Variants in PPARGC1A observed in about 807,000 individuals in gnomAD.
PPARGC1A encodes peroxisome proliferator-activated receptor gamma coactivator 1-alpha.
PPARGC1A carries 25 observed loss-of-function variants against 88.7 expected under a neutral mutation model. The observed-to-expected ratio is 0.28, with a 90% CI of 0.21 to 0.39. The LOEUF (loss-of-function observed/expected upper bound fraction) is 0.39. PPARGC1A is among the 10% of genes least tolerant of loss of function. The probability of loss-of-function intolerance (pLI) is 1.00; values close to 1 mark genes in which losing one functional copy is unlikely to be tolerated. For missense variants in PPARGC1A, 880 were observed against 968.7 expected, an observed-to-expected ratio of 0.91 and a Z score of 1.22; for synonymous variants, 363 against 355.6, an observed-to-expected ratio of 1.02 and a Z score of -0.24.
At chr4:24,339,694 A>C in the PPARGC1A span, among the ~76,000 whole-genome samples, 1 of 152,188 alleles carries the variant, frequency 6.6e-6, no homozygotes, top group South Asian at 2.1e-4. Flanking sequence ...ACAGTTTAAA[A>C]TACAGTTTTC....
the PPARGC1A span, among the ~76,000 whole-genome samples, chr4:24,445,667 C>A: frequency 4.6e-5 from 7 of 152,150 alleles, no homozygotes; most frequent in Non-Finnish European, 1.0e-4. Flanking sequence ...ACATGAAAAG[C>A]ATCAGAAAAT....
chr4:24,317,745 A>ACAAGCAT, the PPARGC1A span, among the ~76,000 whole-genome samples: 1 of 151,884 alleles, frequency 6.6e-6, no homozygotes, highest in Non-Finnish European at 1.5e-5. Context: ...CCGAACCCAG[A>ACAAGCAT]CAAGCATCCA....
the PPARGC1A span, among the ~76,000 whole-genome samples, chr4:24,277,997 A>G: frequency 6.6e-6 from 1 of 152,066 alleles, no homozygotes; most frequent in Non-Finnish European, 1.5e-5. Context: ...CTACACAGCA[A>G]GACCTTTGCT....
chr4:23,881,161 T>C (rs1480769251), intron 2 of PPARGC1A: 2 of 152,246 alleles, frequency 1.3e-5, no homozygotes, highest in East Asian at 3.8e-4. Flanking sequence ...GGAAGTTATG[T>C]TGCAATATTC....
the PPARGC1A span, among the ~76,000 whole-genome samples, chr4:23,927,293 T>C: frequency 2.0e-5 from 3 of 152,290 alleles, no homozygotes; most frequent in East Asian, 5.8e-4. Flanking sequence ...CATCATAAAG[T>C]CAAAAAATCA....
At chr4:23,938,197 T>C in the PPARGC1A span, among the ~76,000 whole-genome samples, 1 of 152,230 alleles carries the variant, frequency 6.6e-6, no homozygotes, top group Admixed American at 6.5e-5. Flanking sequence ...GTATTGCTTC[T>C]GGTTCTTACC....
the PPARGC1A span, among the ~76,000 whole-genome samples, chr4:24,439,181 C>T: frequency 9.9e-5 from 15 of 152,258 alleles, no homozygotes; most frequent in African/African-American, 3.4e-4. Flanking sequence ...TCTGATTCTT[C>T]TCCATCCTTC....
chr4:24,109,315 AC>A, the PPARGC1A span, among the ~76,000 whole-genome samples: 1 of 148,760 alleles, frequency 6.7e-6, no homozygotes, highest in African/African-American at 2.5e-5. Flanking sequence ...ACACACACAC[AC>A]ACACACACAC....
At chr4:24,170,319 G>C in the PPARGC1A span, among the ~76,000 whole-genome samples, 1 of 152,052 alleles carries the variant, frequency 6.6e-6, no homozygotes, top group African/African-American at 2.4e-5. Flanking sequence ...AAATGCCTTG[G>C]GTATTGACAG....
chr4:23,808,952 T>C (rs991220527), intron 10 of PPARGC1A, among the ~76,000 whole-genome samples: 1 of 151,380 alleles, frequency 6.6e-6, no homozygotes, highest in Admixed American at 6.6e-5. Context: ...TTCTGAAGGT[T>C]TTTTTTTTCA....
the PPARGC1A span, among the ~76,000 whole-genome samples, chr4:24,262,266 C>G: frequency 0.28 from 43,316 of 152,080 alleles, 6,848 homozygotes; most frequent in East Asian, 0.46. Flanking sequence ...TGCCTTTCAA[C>G]TACACTTTGC....
chr4:23,814,635 AAG>A (rs377401173), intron 7 of PPARGC1A, 30 bp from the exon 8 acceptor site: 12 of 1,292,220 alleles, frequency 9.3e-6, no homozygotes, highest in Non-Finnish European at 1.3e-5. Flanking sequence ...AAAAAAAAAA[AAG>A]AGAGAGAAAG....
the PPARGC1A span, among the ~76,000 whole-genome samples, chr4:24,072,684 C>G: frequency 6.6e-6 from 1 of 152,134 alleles, no homozygotes; most frequent in Non-Finnish European, 1.5e-5. Context: ...AGATTTATCC[C>G]TTTAGGCTAA....
chr4:24,074,017 C>T, the PPARGC1A span, among the ~76,000 whole-genome samples: 1 of 151,944 alleles, frequency 6.6e-6, no homozygotes, highest in South Asian at 2.1e-4. Context: ...TCCTCACCTG[C>T]GTAGAGGGTT....
chr4:23,960,221 G>T, the PPARGC1A span, among the ~76,000 whole-genome samples: 21 of 152,034 alleles, frequency 1.4e-4, no homozygotes, highest in Admixed American at 6.6e-5. Flanking sequence ...TAACAGTTTT[G>T]TTGCTCAAGG....
chr4:23,841,275 C>G (rs2148607829), intron 2 of PPARGC1A, among the ~76,000 whole-genome samples: 1 of 152,198 alleles, frequency 6.6e-6, no homozygotes, highest in Middle Eastern at 3.4e-3. Context: ...TGTAATCTAT[C>G]TGAACTAGAG....
At chr4:24,431,613 G>A in the PPARGC1A span, among the ~76,000 whole-genome samples, 3 of 152,150 alleles carry the variant, frequency 2.0e-5, no homozygotes, top group Admixed American at 6.5e-5. Context: ...AAAGACCGTC[G>A]AATGTGCTGG....
chr4:24,418,771 T>C, the PPARGC1A span, among the ~76,000 whole-genome samples: 1 of 152,226 alleles, frequency 6.6e-6, no homozygotes, highest in African/African-American at 2.4e-5. Context: ...TGTTTGCTGA[T>C]TTAATTACCA....
chr4:24,016,093 CA>C, the PPARGC1A span, among the ~76,000 whole-genome samples: 5 of 152,094 alleles, frequency 3.3e-5, no homozygotes, highest in African/African-American at 4.8e-5. Context: ...AATATGAAGC[CA>C]AAATGTCAGA....
Sources: gnomAD v4.1 joint callset for allele counts (sites outside exome capture counted in the v4.1 genomes callset) on GRCh38, gnomAD v4.1.1 for gene constraint, MANE v1.5 for transcripts, NCBI Gene and HGNC (gene_info 2026-07-23, HGNC 2026-07-21) for gene names.